Variants in TBC1D14 observed in about 807,000 individuals in gnomAD.
The protein encoded by TBC1D14 is TBC1 domain family member 14, also known as TBC1 domain family, member 14.
TBC1D14 carries 26 observed loss-of-function variants against 79.0 expected under a neutral mutation model. The observed-to-expected ratio is 0.33, with a 90% CI of 0.24 to 0.46. The LOEUF (loss-of-function observed/expected upper bound fraction) is 0.46, where lower values mean the gene tolerates loss of function less well. Ranked by LOEUF, TBC1D14 falls within the 20% of genes least tolerant of loss-of-function variation. TBC1D14 has a pLI of 1.00. For missense variants in TBC1D14, 769 were observed against 887.6 expected (o/e 0.87, Z 1.70); for synonymous variants, 394 against 349.9 (o/e 1.13, Z -1.40).
chr4:6,969,680 C>T (rs1175279853), intron 3 of TBC1D14, among the ~76,000 whole-genome samples: 3 of 151,910 alleles, frequency 2.0e-5, no homozygotes, highest in African/African-American at 7.3e-5. Flanking sequence ...GCTGGGATTA[C>T]AGGCATGAGC....
chr4:6,955,234 G>T (rs746200823), intron 2 of TBC1D14, among the ~76,000 whole-genome samples: 1 of 152,222 alleles, frequency 6.6e-6, no homozygotes, highest in Non-Finnish European at 1.5e-5. Context: ...TCAGTTTTTG[G>T]GGGGTGGAGA....
chr4:7,005,474 G>T (rs548449507), intron 8 of TBC1D14, among the ~76,000 whole-genome samples: 1 of 152,320 alleles, frequency 6.6e-6, no homozygotes, highest in South Asian at 2.1e-4. Context: ...GGTGGAGGTT[G>T]CAGGGAGCCA....
intron 2 of TBC1D14, among the ~76,000 whole-genome samples, chr4:6,954,568 C>T (rs948447961): frequency 3.3e-5 from 5 of 151,610 alleles, no homozygotes; most frequent in African/African-American, 9.7e-5. Context: ...GTATCTCATG[C>T]CCACTGCACT....
chr4:6,932,605 A>T (rs1711866628), intron 2 of TBC1D14, among the ~76,000 whole-genome samples: 1 of 152,108 alleles, frequency 6.6e-6, no homozygotes, highest in African/African-American at 2.4e-5. Flanking sequence ...CTCAGTGGGG[A>T]GCCACTGCAG....
At chr4:7,027,850 A>C (rs1205092140) in intron 13 of TBC1D14, among the ~76,000 whole-genome samples, 1 of 141,392 alleles carries the variant, frequency 7.1e-6, no homozygotes, top group East Asian at 2.2e-4. Flanking sequence ...GCATACCCAC[A>C]CACACACAGA....
At chr4:6,963,067 A>G (rs1715372987) in intron 2 of TBC1D14, among the ~76,000 whole-genome samples, 1 of 152,254 alleles carries the variant, frequency 6.6e-6, no homozygotes, top group South Asian at 2.1e-4. Context: ...ACATAGGTAC[A>G]GAATGGAGGG....
chr4:6,924,723 GTC>G (rs1724148395), intron 2 of TBC1D14, among the ~76,000 whole-genome samples: 1 of 152,202 alleles, frequency 6.6e-6, no homozygotes. Context: ...GAGTTCCTGT[GTC>G]TCCCTGAAGC....
chr4:6,973,260 T>C (rs968025865), intron 3 of TBC1D14, among the ~76,000 whole-genome samples: 2 of 151,742 alleles, frequency 1.3e-5, no homozygotes, highest in African/African-American at 4.8e-5. Flanking sequence ...GACAGTGACA[T>C]TTTCTCTCCT....
chr4:7,000,749 G>A (rs112852443), intron 6 of TBC1D14, among the ~76,000 whole-genome samples: 2,717 of 152,292 alleles, frequency 0.018, 86 homozygotes, highest in African/African-American at 0.062. Context: ...CAGTGCTGCT[G>A]CAGTGCCGCC....
At chr4:6,955,348 C>T (rs547540409) in intron 2 of TBC1D14, among the ~76,000 whole-genome samples, 2 of 152,300 alleles carry the variant, frequency 1.3e-5, no homozygotes, top group Non-Finnish European at 2.9e-5. Flanking sequence ...CAGGAGGAAG[C>T]GTCTTAGCCT....
At chr4:7,001,518 CTTCGCAGATCAAAG>C in intron 7 of TBC1D14, 5 of 388,110 alleles carry the variant, frequency 1.3e-5, no homozygotes, top group Non-Finnish European at 2.4e-5. Context: ...GGTGCCTGAG[CTTCGCAGATCAAAG>C]TCCTAGGAAG....
chr4:6,941,185 T>G (rs1240026351), intron 2 of TBC1D14, among the ~76,000 whole-genome samples: 2 of 143,598 alleles, frequency 1.4e-5, no homozygotes, highest in Non-Finnish European at 3.1e-5. Flanking sequence ...AGCAGCTTTT[T>G]TTTTTTTTTT....
At chr4:6,975,824 G>A (rs1716668233) in intron 3 of TBC1D14, among the ~76,000 whole-genome samples, 1 of 152,180 alleles carries the variant, frequency 6.6e-6, no homozygotes, top group Non-Finnish European at 1.5e-5. Flanking sequence ...TGGGAGTGGT[G>A]GCTCACACCT....
chr4:6,927,184 G>T (rs1361656036), intron 2 of TBC1D14, among the ~76,000 whole-genome samples: 4 of 152,168 alleles, frequency 2.6e-5, no homozygotes, highest in Non-Finnish European at 5.9e-5. Context: ...CCAGACTCCA[G>T]CCTGAGCTTT....
chr4:7,028,661 G>A (rs551866710), intron 13 of TBC1D14, among the ~76,000 whole-genome samples: 12 of 152,116 alleles, frequency 7.9e-5, no homozygotes, highest in South Asian at 4.2e-4. Context: ...TCCTGACCTC[G>A]CGATCCACCT....
At chr4:6,911,220 G>A (rs1722960560) in intron 1 of TBC1D14, among the ~76,000 whole-genome samples, 1 of 152,114 alleles carries the variant, frequency 6.6e-6, no homozygotes. Flanking sequence ...GAGATTGTGG[G>A]CTCCGCAATC....
At chr4:6,998,358 T>TA (rs538598541) in intron 5 of TBC1D14, among the ~76,000 whole-genome samples, 5,138 of 117,596 alleles carry the variant, frequency 0.044, 252 homozygotes, top group African/African-American at 0.13. Context: ...AAACTCCGTC[T>TA]AAAAAAAAAA....
chr4:7,009,765 A>G, intron 9 of TBC1D14, 112 bp from the exon 10 acceptor site: 1 of 1,068,208 alleles, frequency 9.4e-7, no homozygotes, highest in Non-Finnish European at 1.4e-6. Context: ...GGCATATTTC[A>G]TAATGCTGAA....
At chr4:6,962,995 T>C (rs1715367161) in intron 2 of TBC1D14, among the ~76,000 whole-genome samples, 2 of 152,164 alleles carry the variant, frequency 1.3e-5, no homozygotes, top group African/African-American at 2.4e-5. Flanking sequence ...GACTCTACCC[T>C]GCCCTCTGGG....
Sources: gnomAD v4.1 joint callset for allele counts (sites outside exome capture counted in the v4.1 genomes callset) on GRCh38, gnomAD v4.1.1 for gene constraint, MANE v1.5 for transcripts, NCBI Gene and HGNC (gene_info 2026-07-23, HGNC 2026-07-21) for gene names.